TRAPPC9: variants seen among roughly 807,000 people sequenced by gnomAD.
TRAPPC9 encodes the protein IKK2 binding protein.
In TRAPPC9, 83 loss-of-function variants were observed where a neutral mutation model predicts 124.0. That is an observed-to-expected ratio of 0.67 (90% CI 0.56 to 0.80). The LOEUF (loss-of-function observed/expected upper bound fraction) is 0.80, where lower values mean the gene tolerates loss of function less well. TRAPPC9 is among the 30% of genes least tolerant of loss of function. The probability of loss-of-function intolerance (pLI) is 0.00; values close to 1 mark genes in which losing one functional copy is unlikely to be tolerated. For synonymous variants in TRAPPC9, 638 were observed against 617.5 expected (o/e 1.03, Z -0.49); for missense variants, 1,302 against 1,508.3 (o/e 0.86, Z 2.27).
At chr8:140,349,348 G>T in intron 9 of TRAPPC9, among the ~76,000 whole-genome samples, 1 of 106,210 alleles carries the variant, frequency 9.4e-6, no homozygotes, top group African/African-American at 3.7e-5. Flanking sequence ...GCCGAAGGGG[G>T]CGCGCGAGGG....
At chr8:140,290,897 T>C in intron 12 of TRAPPC9, 96 bp downstream of exon 12, 1 of 947,324 alleles carries the variant, frequency 1.1e-6, no homozygotes, top group East Asian at 2.4e-5. Flanking sequence ...AACAGACACA[T>C]ATCGTAAGAT....
intron 16 of TRAPPC9, among the ~76,000 whole-genome samples, chr8:140,222,780 C>T (rs1052960877): frequency 1.3e-5 from 2 of 152,214 alleles, no homozygotes; most frequent in East Asian, 1.9e-4. Context: ...AGCTGGCATG[C>T]GGGAGAAGTC....
intron 17 of TRAPPC9, among the ~76,000 whole-genome samples, chr8:140,060,718 G>T (rs1023845954): frequency 6.6e-6 from 1 of 152,170 alleles, no homozygotes; most frequent in Non-Finnish European, 1.5e-5. Context: ...ATTTCTGGGG[G>T]GAGGAAGGAT....
intron 17 of TRAPPC9, among the ~76,000 whole-genome samples, chr8:140,091,357 G>C (rs1439186235): frequency 6.6e-6 from 1 of 152,200 alleles, no homozygotes; most frequent in African/African-American, 2.4e-5. Flanking sequence ...AAATGTGCAA[G>C]AAAGACTGGC....
At chr8:140,114,095 G>C (rs181422477) in intron 17 of TRAPPC9, among the ~76,000 whole-genome samples, 1 of 152,154 alleles carries the variant, frequency 6.6e-6, no homozygotes, top group African/African-American at 2.4e-5. Context: ...TGCACCTCCA[G>C]TAGCATAGCT....
At chr8:140,370,499 T>C (rs2068251421) in intron 8 of TRAPPC9, among the ~76,000 whole-genome samples, 1 of 152,212 alleles carries the variant, frequency 6.6e-6, no homozygotes. Context: ...ATTATCCTTG[T>C]ACATATTTGT....
chr8:140,211,395 C>CA (rs2063058412), intron 17 of TRAPPC9, among the ~76,000 whole-genome samples: 1 of 152,100 alleles, frequency 6.6e-6, no homozygotes, highest in African/African-American at 2.4e-5. Context: ...CCTGTCTCTG[C>CA]AAAAAATACA....
intron 21 of TRAPPC9, among the ~76,000 whole-genome samples, chr8:139,769,426 ACAAAGGGAGATG>A (rs2130430138): frequency 6.6e-6 from 1 of 152,346 alleles, no homozygotes; most frequent in Non-Finnish European, 1.5e-5. Flanking sequence ...GATTCACTGG[ACAAAGGGAGATG>A]CAGGGCATGA....
intron 9 of TRAPPC9, among the ~76,000 whole-genome samples, chr8:140,357,704 G>A (rs1219967139): frequency 6.6e-6 from 1 of 152,178 alleles, no homozygotes; most frequent in Non-Finnish European, 1.5e-5. Flanking sequence ...CACCCCAGCA[G>A]GAGACACGGG....
intron 16 of TRAPPC9, among the ~76,000 whole-genome samples, chr8:140,222,929 G>A (rs1442537471): frequency 6.6e-6 from 1 of 152,204 alleles, no homozygotes; most frequent in Non-Finnish European, 1.5e-5. Context: ...AGACAAAAGA[G>A]CAAATGGTAG....
At chr8:139,875,730 T>C (rs1279985023) in intron 21 of TRAPPC9, among the ~76,000 whole-genome samples, 2 of 152,174 alleles carry the variant, frequency 1.3e-5, no homozygotes, top group African/African-American at 4.8e-5. Context: ...CTCCAGGAAG[T>C]GGCTCTCAGC....
intron 7 of TRAPPC9, among the ~76,000 whole-genome samples, chr8:140,379,101 AC>A (rs2068529079): frequency 6.7e-6 from 1 of 148,550 alleles, no homozygotes; most frequent in Non-Finnish European, 1.5e-5. Flanking sequence ...CTATTAACAG[AC>A]TTTTTTTTTT....
At chr8:140,218,039 C>T (rs1300643712) in intron 17 of TRAPPC9, among the ~76,000 whole-genome samples, 1 of 150,042 alleles carries the variant, frequency 6.7e-6, no homozygotes, top group Non-Finnish European at 1.5e-5. Flanking sequence ...AAAGTCATGG[C>T]GAAAGTCTAG....
At chr8:140,077,803 C>T (rs74839886) in intron 17 of TRAPPC9, among the ~76,000 whole-genome samples, 1,944 of 152,074 alleles carry the variant, frequency 0.013, 32 homozygotes, top group African/African-American at 0.043. Context: ...GTGTAGAAAA[C>T]GGAAAGGCAG....
At chr8:140,457,506 G>C (rs1486375694) in intron 1 of TRAPPC9, 133 bp downstream of exon 1, 1 of 743,104 alleles carries the variant, frequency 1.3e-6, no homozygotes, top group Admixed American at 6.3e-5. Flanking sequence ...GACAGGTGTG[G>C]CGGGCTCCGC....
chr8:140,262,143 A>G (rs766100645), intron 15 of TRAPPC9, among the ~76,000 whole-genome samples: 25 of 152,134 alleles, frequency 1.6e-4, no homozygotes, highest in Non-Finnish European at 2.5e-4. Context: ...TCTACAACCT[A>G]CCCCTTAGTA....
chr8:140,304,782 T>C (rs893591753), intron 10 of TRAPPC9, among the ~76,000 whole-genome samples: 1 of 152,112 alleles, frequency 6.6e-6, no homozygotes, highest in Non-Finnish European at 1.5e-5. Context: ...CTCAATGGCA[T>C]TCATGAAAGA....
chr8:140,177,946 C>T (rs754422364), intron 17 of TRAPPC9, among the ~76,000 whole-genome samples: 2 of 151,984 alleles, frequency 1.3e-5, no homozygotes, highest in Non-Finnish European at 2.9e-5. Context: ...ACTTTATTTT[C>T]CAAATGTCCA....
chr8:140,048,250 C>T (rs576097145), intron 17 of TRAPPC9, among the ~76,000 whole-genome samples: 1 of 152,308 alleles, frequency 6.6e-6, no homozygotes, highest in South Asian at 2.1e-4. Context: ...CAGTGCCTGG[C>T]ATATGCAACG....
Sources: allele counts gnomAD v4.1 joint callset (sites outside exome capture counted in the v4.1 genomes callset), GRCh38; gene constraint gnomAD v4.1.1; transcripts MANE v1.5; gene names NCBI Gene and HGNC (gene_info 2026-07-23, HGNC 2026-07-21).